DIRAS2: variants seen among roughly 807,000 people sequenced by gnomAD.
DIRAS2 encodes the protein DIRAS family GTPase 2.
Under a neutral mutation model 13.9 loss-of-function variants are expected in DIRAS2, and 5 were observed. The observed-to-expected ratio is 0.36, with a 90% confidence interval of 0.19 to 0.76. The LOEUF is 0.76. Ranked by LOEUF, DIRAS2 falls within the 30% of genes least tolerant of loss-of-function variation. The pLI is 0.53. For synonymous variants in DIRAS2, 111 were observed against 105.4 expected, an observed-to-expected ratio of 1.05 and a Z score of -0.33; for missense variants, 191 against 263.0, an observed-to-expected ratio of 0.73 and a Z score of 1.89.
intron 1 of DIRAS2, among the ~76,000 whole-genome samples, chr9:90,615,838 A>G (rs1825164066): frequency 6.6e-6 from 1 of 152,224 alleles, no homozygotes; most frequent in Non-Finnish European, 1.5e-5. Flanking sequence ...CCACTTCCAA[A>G]TACCATGAAC....
In DIRAS2 at chr9:90,613,080, C is replaced by A; in HGVS notation, c.*148G>T. The A allele has an allele frequency of 2.5e-6, 3 of 1,190,696 alleles. No individual in the cohort carries two copies. Among genetic ancestry groups the A allele is most frequent in the Non-Finnish European group, 2.3e-6 (2 of 861,412 alleles). The allele number at this position is 1,190,696 out of a possible 1,614,324, so 73.8% of individuals were successfully genotyped here. The stretch of plus-strand genomic sequence containing the variant: ...GTGGCTTACTGTTGGTGGTGTGAAA[C>A]GCCCTCTTAAGGACAATAGGACGCA... On this transcript the variant is annotated 3_prime_UTR_variant, in exon 2 of 2. Transcript: ENST00000375765. This position sits in a 1 kb window ranked among gnomAD's most constrained non-coding sequence, Gnocchi z 5.6.
chr9:90,639,385 A>G (rs941861941), intron 1 of DIRAS2, among the ~76,000 whole-genome samples: 1 of 152,230 alleles, frequency 6.6e-6, no homozygotes, highest in African/African-American at 2.4e-5. Flanking sequence ...CCAGTAAAGC[A>G]TAATACTAAA....
chr9:90,628,625 A>G (rs935388838), intron 1 of DIRAS2, among the ~76,000 whole-genome samples: 6 of 152,036 alleles, frequency 3.9e-5, no homozygotes, highest in Non-Finnish European at 5.9e-5. Context: ...GGCTCACTAT[A>G]GCCTCAATCT....
intron 1 of DIRAS2, among the ~76,000 whole-genome samples, chr9:90,623,653 TG>T (rs1480731201): frequency 6.6e-6 from 1 of 152,198 alleles, no homozygotes; most frequent in African/African-American, 2.4e-5. Context: ...AGAAGAAACT[TG>T]AATTCTTGTG....
At chr9:90,631,449 C>G (rs1825324518) in intron 1 of DIRAS2, among the ~76,000 whole-genome samples, 1 of 152,136 alleles carries the variant, frequency 6.6e-6, no homozygotes, top group African/African-American at 2.4e-5. Flanking sequence ...GTGGGACCTC[C>G]ATTGTAAAAG....
At chr9:90,637,717 G>A (rs768881842) in intron 1 of DIRAS2, among the ~76,000 whole-genome samples, 14 of 152,312 alleles carry the variant, frequency 9.2e-5, no homozygotes, top group Non-Finnish European at 2.1e-4. Flanking sequence ...TTCTTTGCTC[G>A]GTTTTTAGTA....
chr9:90,617,828 A>G (rs777335115), intron 1 of DIRAS2, among the ~76,000 whole-genome samples: 1 of 152,264 alleles, frequency 6.6e-6, no homozygotes, highest in Non-Finnish European at 1.5e-5. Context: ...TCAATTTATA[A>G]TAGCATCAAA....
At chr9:90,638,636 A>ATG (rs10599969) in intron 1 of DIRAS2, among the ~76,000 whole-genome samples, 2,130 of 148,742 alleles carry the variant, frequency 0.014, 22 homozygotes, top group South Asian at 0.03. Flanking sequence ...TCCATTGATC[A>ATG]TGTGTGTGTG....
chr9:90,618,746 A>T (rs1825192075), intron 1 of DIRAS2, among the ~76,000 whole-genome samples: 1 of 152,374 alleles, frequency 6.6e-6, no homozygotes, highest in African/African-American at 2.4e-5. Flanking sequence ...GACATTTCTC[A>T]AAAGAAGATA....
intron 1 of DIRAS2, among the ~76,000 whole-genome samples, chr9:90,617,926 G>A (rs542166928): frequency 6.6e-6 from 1 of 152,152 alleles, no homozygotes; most frequent in African/African-American, 2.4e-5. Context: ...TTGAATACAC[G>A]AATAAATGGA....
intron 1 of DIRAS2, among the ~76,000 whole-genome samples, chr9:90,631,303 A>C (rs1370118700): frequency 1.3e-5 from 2 of 152,240 alleles, no homozygotes; most frequent in Non-Finnish European, 2.9e-5. Context: ...GAGAGAGGAA[A>C]GCAGATGAGG....
At chr9:90,629,855 T>G (rs1220507097) in intron 1 of DIRAS2, among the ~76,000 whole-genome samples, 1 of 152,168 alleles carries the variant, frequency 6.6e-6, no homozygotes, top group Admixed American at 6.5e-5. Flanking sequence ...TTTTTTCAAC[T>G]GATTGAATCT....
At chr9:90,639,445 G>A (rs1023496694) in intron 1 of DIRAS2, among the ~76,000 whole-genome samples, 2 of 152,160 alleles carry the variant, frequency 1.3e-5, no homozygotes, top group Non-Finnish European at 2.9e-5. Context: ...CCCACTAGCT[G>A]TTCATTAGTT....
chr9:90,632,877 C>T (rs563155084), intron 1 of DIRAS2, among the ~76,000 whole-genome samples: 3 of 152,284 alleles, frequency 2.0e-5, no homozygotes, highest in East Asian at 1.9e-4. Flanking sequence ...GATGGGGCTT[C>T]CAGGCTGCAA....
chr9:90,631,997 A>G (rs1304032002), intron 1 of DIRAS2, among the ~76,000 whole-genome samples: 2 of 152,112 alleles, frequency 1.3e-5, no homozygotes, highest in Non-Finnish European at 2.9e-5. Flanking sequence ...CATCAGCAAC[A>G]TTTGTCAGTG....
intron 1 of DIRAS2, among the ~76,000 whole-genome samples, chr9:90,633,083 G>GA (rs1825340099): frequency 8.5e-5 from 1 of 11,830 alleles, no homozygotes; most frequent in African/African-American, 6.6e-4. Flanking sequence ...TGGGTTGCCA[G>GA]GGGAAGCCAT....
At chr9:90,628,368 A>C (rs372837047) in intron 1 of DIRAS2, among the ~76,000 whole-genome samples, 21 of 152,242 alleles carry the variant, frequency 1.4e-4, no homozygotes, top group African/African-American at 5.1e-4. Context: ...ATCATCTTTC[A>C]TAGATTTGTG....
At chr9:90,615,797 C>T (rs1389626843) in intron 1 of DIRAS2, among the ~76,000 whole-genome samples, 1 of 152,194 alleles carries the variant, frequency 6.6e-6, no homozygotes, top group East Asian at 1.9e-4. Context: ...ATTGCCCAGC[C>T]TCCTCATGAC....
intron 1 of DIRAS2, among the ~76,000 whole-genome samples, chr9:90,615,380 C>G (rs552303406): frequency 6.6e-6 from 1 of 152,202 alleles, no homozygotes; most frequent in African/African-American, 2.4e-5. Context: ...AACATCAATG[C>G]TAACAGAAAA....
Sources: allele counts gnomAD v4.1 joint callset (sites outside exome capture counted in the v4.1 genomes callset), GRCh38; gene constraint gnomAD v4.1.1; non-coding constraint Gnocchi (gnomAD v3.1); transcripts MANE v1.5; gene names NCBI Gene and HGNC (gene_info 2026-07-23, HGNC 2026-07-21).